Variants in RYR3 observed in about 807,000 individuals in gnomAD.
RYR3 encodes the protein brain ryanodine receptor-calcium release channel.
RYR3 carries 207 observed loss-of-function variants against 584.3 expected under a neutral mutation model. The ratio of observed to expected loss-of-function variants is 0.35; its 90% CI spans 0.32 to 0.40. The LOEUF is 0.40. Ranked by LOEUF, RYR3 falls within the 10% of genes least tolerant of loss-of-function variation. The pLI is 1.00. For synonymous variants in RYR3, 2,416 were observed against 2,248.5 expected (o/e 1.07, Z -2.11); for missense variants, 5,616 against 6,089.2 (o/e 0.92, Z 2.59).
rs1567294633 is a variant in RYR3 at position 33,840,814 on chromosome 15, T to C, written c.12979-11T>C. ...TTGAGGAAAGCTTGACTAATTGTTA[T>C]TTTTGTCTAGGCAGCAGAAATGAAA... On this transcript the variant is annotated splice_polypyrimidine_tract_variant and intron_variant, in intron 89 of 103. Transcript: ENST00000634891. 1 of 1,613,658 alleles carries C rather than the reference T, an allele frequency of 6.2e-7. No homozygotes were observed. Among genetic ancestry groups the C allele is most frequent in the Non-Finnish European group, 8.5e-7 (1 of 1,179,686 alleles).
chr15:33,620,403 A>C (rs1050647744), intron 19 of RYR3, among the ~76,000 whole-genome samples: 2 of 152,130 alleles, frequency 1.3e-5, no homozygotes, highest in African/African-American at 2.4e-5. Flanking sequence ...GAGGTGTGTG[A>C]TAGGCTGTGG....
At chr15:33,439,934 A>G (rs1290929917) in intron 1 of RYR3, among the ~76,000 whole-genome samples, 1 of 152,222 alleles carries the variant, frequency 6.6e-6, no homozygotes, top group Non-Finnish European at 1.5e-5. Context: ...AAGCATGGAT[A>G]GCGACAGGTA....
Position 33,827,956 on chromosome 15 carries a change from C to T in RYR3, c.11334+669C>T, listed in dbSNP as rs570896540. On this transcript the variant is annotated intron_variant, in intron 85 of 103. Coordinates refer to ENST00000634891, the MANE Select transcript of RYR3 (RefSeq NM_001036.6). ...TTGCAGTTGGTATTATTGTGCTTCA[C>T]AGATGCTGTGTGTTTTACAAATCGA... 3.3e-5 allele frequency among the ~76,000 whole-genome samples: 5 copies of T among 152,348 alleles called. No individual in the cohort carries two copies. In the South Asian group the frequency reaches 1.0e-3, roughly 32 times the overall value.
intron 1 of RYR3, among the ~76,000 whole-genome samples, chr15:33,413,711 G>A (rs570802813): frequency 3.0e-4 from 46 of 152,290 alleles, no homozygotes; most frequent in African/African-American, 1.0e-3. Flanking sequence ...CAGGCCTGTG[G>A]TCCTGTTCCC....
chr15:33,596,087 C>T (rs928960594), intron 16 of RYR3, among the ~76,000 whole-genome samples: 1 of 147,950 alleles, frequency 6.8e-6, no homozygotes, highest in Admixed American at 6.7e-5. Flanking sequence ...AAAAAAAAAG[C>T]CTCTTTATTT....
chr15:33,785,431 G>A (rs2074645195), intron 65 of RYR3, among the ~76,000 whole-genome samples: 1 of 151,960 alleles, frequency 6.6e-6, no homozygotes, highest in Non-Finnish European at 1.5e-5. Context: ...TTAACCATGT[G>A]TTTGTTTTAA....
intron 16 of RYR3, among the ~76,000 whole-genome samples, chr15:33,589,418 A>G (rs1258789191): frequency 6.6e-6 from 1 of 151,628 alleles, no homozygotes; most frequent in Non-Finnish European, 1.5e-5. Flanking sequence ...TTTTCTGTTC[A>G]CTCTATTGAT....
chr15:33,420,062 A>T (rs949684132), intron 1 of RYR3, among the ~76,000 whole-genome samples: 2 of 152,216 alleles, frequency 1.3e-5, no homozygotes, highest in Admixed American at 1.3e-4. Flanking sequence ...TGATGCCTCT[A>T]AGAGAACAGA....
At chr15:33,813,045 T>C in intron 73 of RYR3, 51 bp downstream of exon 73, 1 of 1,607,732 alleles carries the variant, frequency 6.2e-7, no homozygotes. Context: ...CCCTGGACCA[T>C]ACAAAGCTCC....
chr15:33,806,456 G>T (rs1172981914), intron 69 of RYR3, among the ~76,000 whole-genome samples: 1 of 151,378 alleles, frequency 6.6e-6, no homozygotes, highest in Non-Finnish European at 1.5e-5. Flanking sequence ...AGTTCAATAC[G>T]AGCCTGGGCA....
chr15:33,807,655 G>T, intron 70 of RYR3, 86 bp downstream of exon 70: 1 of 1,341,520 alleles, frequency 7.5e-7, no homozygotes, highest in Admixed American at 2.0e-5. Context: ...GATCACCATG[G>T]GGGTGGTAGA....
intron 3 of RYR3, among the ~76,000 whole-genome samples, chr15:33,509,194 A>G (rs1438896777): frequency 3.9e-5 from 6 of 152,164 alleles, no homozygotes; most frequent in African/African-American, 1.4e-4. Context: ...CAAAACAAAC[A>G]CTGATGAAGG....
chr15:33,825,759 T>C, intron 82 of RYR3, 83 bp downstream of exon 82: 1 of 892,486 alleles, frequency 1.1e-6, no homozygotes, highest in South Asian at 1.7e-5. Flanking sequence ...CCATACAGAG[T>C]TTCGCTCTTG....
At chr15:33,813,606 A>C (rs373996959) in intron 74 of RYR3, 27 bp downstream of exon 74, 1 of 1,562,520 alleles carries the variant, frequency 6.4e-7, no homozygotes, top group Non-Finnish European at 8.8e-7. Flanking sequence ...TTTTCCTGGC[A>C]TGTAAGCCAG....
At chr15:33,691,350 T>C (rs954416577) in intron 38 of RYR3, among the ~76,000 whole-genome samples, 6 of 152,212 alleles carry the variant, frequency 3.9e-5, no homozygotes, top group African/African-American at 1.4e-4. Flanking sequence ...AAATCACATT[T>C]GTTAGTATAG....
intron 82 of RYR3, chr15:33,825,885 A>G: frequency 1.9e-6 from 1 of 524,130 alleles, no homozygotes; most frequent in Non-Finnish European, 3.4e-6. Context: ...GGCTCCCACC[A>G]CCACAGCCAG....
At chr15:33,509,026 C>T (rs747068005) in intron 3 of RYR3, among the ~76,000 whole-genome samples, 17 of 152,180 alleles carry the variant, frequency 1.1e-4, no homozygotes, top group Non-Finnish European at 2.4e-4. Flanking sequence ...CCTTAGAGTG[C>T]ATGTCATGAG....
Position 33,727,267 on chromosome 15 carries a change from G to C in RYR3, c.7033+761G>C, listed in dbSNP as rs1246534362. 3.9e-5 allele frequency among the ~76,000 whole-genome samples: 6 copies of C among 152,154 alleles called. No individual in the cohort carries two copies. The South Asian group carries it at 1.0e-3, about 26-fold the overall frequency. On this transcript the variant is annotated intron_variant, in intron 46 of 103. Transcript: ENST00000634891. ...TCTTTGCAAAACTTATACTCTCCTCGAAGTGTTGTTTCTCTGAGTCGCCTC... is the reference window on the plus strand; with the variant it reads ...TCTTTGCAAAACTTATACTCTCCTCCAAGTGTTGTTTCTCTGAGTCGCCTC...
intron 65 of RYR3, among the ~76,000 whole-genome samples, chr15:33,781,563 C>G (rs746446727): frequency 1.3e-5 from 2 of 152,066 alleles, no homozygotes; most frequent in African/African-American, 4.8e-5. Flanking sequence ...TCTAAAAATG[C>G]GAAGTGCTAA....
Sources: allele counts gnomAD v4.1 joint callset (sites outside exome capture counted in the v4.1 genomes callset), GRCh38; gene constraint gnomAD v4.1.1; transcripts MANE v1.5; gene names NCBI Gene and HGNC (gene_info 2026-07-23, HGNC 2026-07-21).